ARHGEF26: variants seen among roughly 807,000 people sequenced by gnomAD.
ARHGEF26 encodes Rho guanine nucleotide exchange factor 26.
Under a neutral mutation model 89.4 loss-of-function variants are expected in ARHGEF26, and 59 were observed. The observed-to-expected ratio is 0.66, with a 90% CI of 0.54 to 0.82. The LOEUF is 0.82. Ranked by LOEUF, ARHGEF26 falls within the 40% of genes least tolerant of loss-of-function variation. The pLI is 0.00. For missense variants in ARHGEF26, 1,234 were observed against 1,085.6 expected (o/e 1.14, Z -1.92); for synonymous variants, 500 against 428.4 (o/e 1.17, Z -2.06).
At chr3:154,184,905 T>A (rs1307926210) in intron 6 of ARHGEF26, among the ~76,000 whole-genome samples, 1 of 152,232 alleles carries the variant, frequency 6.6e-6, no homozygotes, top group East Asian at 1.9e-4. Context: ...CTTCTTTCTG[T>A]GCCCTTGTTC....
intron 6 of ARHGEF26, among the ~76,000 whole-genome samples, chr3:154,164,843 A>C (rs1039641039): frequency 6.6e-6 from 1 of 152,146 alleles, no homozygotes. Context: ...GCTCTGAAAA[A>C]ATCTGCTGTG....
At chr3:154,186,929 G>T (rs1268843249) in intron 6 of ARHGEF26, among the ~76,000 whole-genome samples, 3 of 103,110 alleles carry the variant, frequency 2.9e-5, no homozygotes, top group African/African-American at 7.7e-5. Flanking sequence ...CGGAGTCTCT[G>T]TCGCCAGGCT....
chr3:154,254,827 G>C lies in ARHGEF26; in HGVS notation c.2473+3G>C. 6.2e-7 allele frequency: 1 copy of C among 1,612,958 alleles called. No individual in the cohort carries two copies. The highest frequency in any genetic ancestry group is 2.2e-5 in the East Asian group (1 of 44,860). ...CATCTATCAACGTGTCAGCGATGGT[G>C]AGTGGGAGCGTTCTTATGGGACACT... On this transcript the variant is annotated splice_donor_region_variant and intron_variant, in intron 14 of 14. Coordinates refer to ENST00000465093, the MANE Select transcript of ARHGEF26 (RefSeq NM_015595.4).
chr3:154,233,774 ATGGG>A (rs1317813224), intron 11 of ARHGEF26, among the ~76,000 whole-genome samples: 5 of 152,354 alleles, frequency 3.3e-5, no homozygotes, highest in Non-Finnish European at 7.3e-5. Context: ...TGGTGGGGTG[ATGGG>A]CCATGGTGGC....
In ARHGEF26 at chr3:154,225,787, CT is replaced by C. The variant is rs560812247; in HGVS notation, c.1936-65del. The C allele has an allele frequency of 1.5e-4, 218 of 1,492,750 alleles. No individual in the cohort carries two copies. In the African/African-American group the frequency reaches 2.9e-3, roughly 20 times the overall value. 92.5% of individuals were successfully genotyped at this position (1,492,750 alleles called of 1,614,324 possible). Reference sequence around the variant, plus strand: ...TCATTTGTTTGAATGTACGTTTTAGCTTTTACTTTCAGTAAACTTAAAAGGA... The same window carrying C: ...TCATTTGTTTGAATGTACGTTTTAGCTTTACTTTCAGTAAACTTAAAAGGA... On this transcript the variant is annotated intron_variant, in intron 10 of 14. Coordinates refer to ENST00000465093, the MANE Select transcript of ARHGEF26 (RefSeq NM_015595.4).
intron 3 of ARHGEF26, among the ~76,000 whole-genome samples, chr3:154,127,937 T>G (rs974478137): frequency 6.6e-6 from 1 of 152,198 alleles, no homozygotes; most frequent in African/African-American, 2.4e-5. Context: ...GACTGTATTA[T>G]GTTTCCTCTT....
At chr3:154,213,296 G>A (rs1231396554) in intron 9 of ARHGEF26, among the ~76,000 whole-genome samples, 2 of 151,304 alleles carry the variant, frequency 1.3e-5, no homozygotes, top group African/African-American at 2.4e-5. Flanking sequence ...TTAGGCCTGG[G>A]ACAAAAGCTT....
chr3:154,171,488 C>G (rs528449411), intron 6 of ARHGEF26, among the ~76,000 whole-genome samples: 2 of 152,280 alleles, frequency 1.3e-5, no homozygotes, highest in African/African-American at 4.8e-5. Context: ...AGAATAGTTT[C>G]ACTGCTCTAA....
chr3:154,146,132 A>G (rs1719692382), intron 4 of ARHGEF26, among the ~76,000 whole-genome samples: 1 of 152,232 alleles, frequency 6.6e-6, no homozygotes, highest in Non-Finnish European at 1.5e-5. Flanking sequence ...TGGAGGCGGG[A>G]AAGTCCAAAA....
intron 6 of ARHGEF26, among the ~76,000 whole-genome samples, chr3:154,155,438 G>C (rs1041384172): frequency 6.6e-5 from 10 of 151,986 alleles, no homozygotes; most frequent in African/African-American, 2.4e-4. Flanking sequence ...ATAAGAAGGA[G>C]AGGGAAAACG....
intron 6 of ARHGEF26, among the ~76,000 whole-genome samples, chr3:154,177,853 C>T (rs1252791630): frequency 1.3e-5 from 2 of 152,204 alleles, no homozygotes; most frequent in Non-Finnish European, 2.9e-5. Flanking sequence ...GTGAACAAAA[C>T]TAGCTGATAC....
chr3:154,143,926 A>T (rs769063732), intron 4 of ARHGEF26, among the ~76,000 whole-genome samples: 1 of 152,192 alleles, frequency 6.6e-6, no homozygotes, highest in Non-Finnish European at 1.5e-5. Flanking sequence ...TGGGGGATAG[A>T]GAATACATAA....
intron 12 of ARHGEF26, among the ~76,000 whole-genome samples, chr3:154,240,969 G>A (rs751103341): frequency 2.0e-5 from 3 of 152,144 alleles, no homozygotes; most frequent in South Asian, 2.1e-4. Flanking sequence ...AATTCAGGTC[G>A]TTTCTCAGTC....
At chr3:154,193,545 TCA>T (rs1352097793) in intron 8 of ARHGEF26, among the ~76,000 whole-genome samples, 1 of 136,492 alleles carries the variant, frequency 7.3e-6, no homozygotes, top group East Asian at 2.0e-4. Flanking sequence ...AATCTGTTTC[TCA>T]TGTGTGGAAA....
In ARHGEF26 at chr3:154,228,480, A is replaced by C. The variant is rs1716632857; in HGVS notation, c.2090+2470A>C. Among the ~76,000 whole-genome samples, 3 of 140,112 alleles carry C rather than the reference A, an allele frequency of 2.1e-5. No homozygotes were observed. The Admixed American group carries it at 2.2e-4, about 10-fold the overall frequency. The allele number at this position is 140,112 out of a possible 152,430, so 91.9% of individuals were successfully genotyped here. ...TCTTTTTTTTCTTTTTCTTTTTTTTAAGAGCAAGATACACAGCTCCAATGG... is the reference window on the plus strand; with the variant it reads ...TCTTTTTTTTCTTTTTCTTTTTTTTCAGAGCAAGATACACAGCTCCAATGG... On this transcript the variant is annotated intron_variant, in intron 11 of 14. Transcript: ENST00000465093.
At chr3:154,195,369 G>GT (rs1420726828) in intron 9 of ARHGEF26, among the ~76,000 whole-genome samples, 1 of 152,210 alleles carries the variant, frequency 6.6e-6, no homozygotes, top group African/African-American at 2.4e-5. Context: ...ATGCTAGGCT[G>GT]TTGGGGGCCT....
chr3:154,166,963 GT>G (rs1712081085), intron 6 of ARHGEF26, among the ~76,000 whole-genome samples: 1 of 152,194 alleles, frequency 6.6e-6, no homozygotes, highest in Non-Finnish European at 1.5e-5. Flanking sequence ...CATACACACT[GT>G]ATGCACCAGT....
chr3:154,159,295 C>T (rs1000348998), intron 6 of ARHGEF26, among the ~76,000 whole-genome samples: 5 of 151,940 alleles, frequency 3.3e-5, no homozygotes, highest in Non-Finnish European at 7.4e-5. Flanking sequence ...TCTCTTTTTC[C>T]AATTACAAAG....
intron 6 of ARHGEF26, among the ~76,000 whole-genome samples, chr3:154,156,985 A>G (rs1025881790): frequency 6.6e-6 from 1 of 152,120 alleles, no homozygotes; most frequent in Non-Finnish European, 1.5e-5. Flanking sequence ...CATCCAAATT[A>G]ACAGTGTGTT....
Sources: gnomAD v4.1 joint callset for allele counts (sites outside exome capture counted in the v4.1 genomes callset) on GRCh38, gnomAD v4.1.1 for gene constraint, MANE v1.5 for transcripts, NCBI Gene and HGNC (gene_info 2026-07-23, HGNC 2026-07-21) for gene names.